Variants in MGMT observed in about 807,000 individuals in gnomAD.
MGMT encodes methylated-DNA--protein-cysteine methyltransferase.
MGMT carries 14 observed loss-of-function variants against 15.9 expected under a neutral mutation model. The ratio of observed to expected loss-of-function variants is 0.88; its 90% CI spans 0.58 to 1.37. MGMT has a LOEUF of 1.37. MGMT is among the 40% of genes most tolerant of loss of function. The probability of loss-of-function intolerance (pLI) is 0.00; values close to 1 mark genes in which losing one functional copy is unlikely to be tolerated. For synonymous variants in MGMT, 130 were observed against 118.2 expected (o/e 1.10, Z -0.65); for missense variants, 282 against 268.1 (o/e 1.05, Z -0.36).
chr10:129,725,335 C>T (rs1848420121), intron 3 of MGMT, among the ~76,000 whole-genome samples: 1 of 152,236 alleles, frequency 6.6e-6, no homozygotes, highest in Non-Finnish European at 1.5e-5. Flanking sequence ...CTCTGCTAGA[C>T]CAGGCATGTG....
intron 1 of MGMT, among the ~76,000 whole-genome samples, chr10:129,481,133 C>T (rs768284508): frequency 3.9e-5 from 6 of 152,208 alleles, no homozygotes; most frequent in Admixed American, 6.5e-5. Flanking sequence ...GAGGCATCCA[C>T]GGTTTTCCCC....
chr10:129,597,397 T>C (rs1846763657), intron 2 of MGMT, among the ~76,000 whole-genome samples: 1 of 152,152 alleles, frequency 6.6e-6, no homozygotes. Flanking sequence ...TTCCATTCAC[T>C]CACATTTTGG....
intron 1 of MGMT, among the ~76,000 whole-genome samples, chr10:129,516,291 A>G (rs58437864): frequency 0.16 from 23,755 of 152,192 alleles, 2,595 homozygotes; most frequent in African/African-American, 0.3. Context: ...AGAGGAGCAC[A>G]TTCATAATTG....
intron 2 of MGMT, among the ~76,000 whole-genome samples, chr10:129,660,472 C>T (rs1001317327): frequency 2.6e-5 from 4 of 152,044 alleles, no homozygotes; most frequent in Non-Finnish European, 5.9e-5. Context: ...GACAAAAAAC[C>T]CAAGAACCTA....
In MGMT at chr10:129,753,932, A is replaced by C. The variant is rs118019327; in HGVS notation, c.275-5270A>C. Among the ~76,000 whole-genome samples, 1,426 of 152,262 alleles carry C rather than the reference A, an allele frequency of 9.4e-3. 16 individuals carry two copies. The highest frequency in any genetic ancestry group is 0.016 in the Non-Finnish European group (1,062 of 68,018). On this transcript the variant is annotated intron_variant, in intron 3 of 4. Coordinates refer to ENST00000651593, the MANE Select transcript of MGMT (RefSeq NM_002412.5). ...CAGATAATGTTGATATTTTTGTTTT[A>C]GGAGGTAGTCAACCTGGTTGGATTT...
chr10:129,613,830 C>A (rs1277718028), intron 2 of MGMT, among the ~76,000 whole-genome samples: 2 of 152,190 alleles, frequency 1.3e-5, no homozygotes, highest in African/African-American at 4.8e-5. Context: ...TGAGGTCCCC[C>A]CTCCCACCTG....
intron 2 of MGMT, among the ~76,000 whole-genome samples, chr10:129,573,942 G>T (rs1846448778): frequency 6.6e-6 from 1 of 152,148 alleles, no homozygotes; most frequent in African/African-American, 2.4e-5. Flanking sequence ...CCAATTCTAA[G>T]ACATTTTAAA....
intron 2 of MGMT, among the ~76,000 whole-genome samples, chr10:129,578,759 TAAGC>T (rs1351331717): frequency 6.6e-6 from 1 of 152,208 alleles, no homozygotes; most frequent in African/African-American, 2.4e-5. Context: ...TTAGGATTAT[TAAGC>T]AACTAAAACA....
chr10:129,761,345 C>T (rs1440862616), intron 4 of MGMT, among the ~76,000 whole-genome samples: 1 of 152,192 alleles, frequency 6.6e-6, no homozygotes, highest in Non-Finnish European at 1.5e-5. Flanking sequence ...CAGCGGGCGC[C>T]GACTGCTCGC....
chr10:129,569,246 C>T (rs1376470495), intron 2 of MGMT, among the ~76,000 whole-genome samples: 3 of 151,994 alleles, frequency 2.0e-5, no homozygotes, highest in Non-Finnish European at 2.9e-5. Flanking sequence ...CCGGCTCCGG[C>T]GCACAGATGC....
chr10:129,583,154 G>A (rs1360646657), intron 2 of MGMT, among the ~76,000 whole-genome samples: 2 of 152,162 alleles, frequency 1.3e-5, no homozygotes, highest in African/African-American at 2.4e-5. Context: ...AATAAATGGT[G>A]TATCGGAAGC....
At chr10:129,501,608 T>A (rs1439746800) in intron 1 of MGMT, among the ~76,000 whole-genome samples, 1 of 152,258 alleles carries the variant, frequency 6.6e-6, no homozygotes, top group Non-Finnish European at 1.5e-5. Context: ...TCTTTGGTTT[T>A]CATGTTTCTG....
chr10:129,707,625 C>A (rs1848179831), intron 2 of MGMT, among the ~76,000 whole-genome samples: 2 of 152,162 alleles, frequency 1.3e-5, no homozygotes, highest in South Asian at 2.1e-4. Context: ...GTAAGTCTTA[C>A]AAAGGGACAC....
intron 3 of MGMT, among the ~76,000 whole-genome samples, chr10:129,746,493 T>C (rs1848697967): frequency 6.6e-6 from 1 of 152,150 alleles, no homozygotes; most frequent in Non-Finnish European, 1.5e-5. Flanking sequence ...TTTGTTTAAG[T>C]AAGTCATGAG....
At chr10:129,554,599 G>T (rs1278961277) in intron 2 of MGMT, among the ~76,000 whole-genome samples, 1 of 152,106 alleles carries the variant, frequency 6.6e-6, no homozygotes, top group Non-Finnish European at 1.5e-5. Flanking sequence ...AGTGCTTCCT[G>T]AGCAAGCTTG....
intron 4 of MGMT, among the ~76,000 whole-genome samples, chr10:129,765,057 CCTGTGGTCATG>C (rs1848917786): frequency 6.6e-6 from 1 of 152,090 alleles, no homozygotes; most frequent in Admixed American, 6.5e-5. Flanking sequence ...TGCCCTGGCT[CCTGTGGTCATG>C]CTCATTGGCA....
intron 2 of MGMT, among the ~76,000 whole-genome samples, chr10:129,576,707 A>G (rs1846487649): frequency 6.6e-6 from 1 of 152,220 alleles, no homozygotes; most frequent in Non-Finnish European, 1.5e-5. Flanking sequence ...AGGAGAAGGG[A>G]ATAAAGGGCA....
At chr10:129,634,282 T>C (rs1847241980) in intron 2 of MGMT, among the ~76,000 whole-genome samples, 1 of 152,222 alleles carries the variant, frequency 6.6e-6, no homozygotes, top group Non-Finnish European at 1.5e-5. Flanking sequence ...AGGCCCCTTA[T>C]CAATTTTTTG....
chr10:129,763,875 C>T (rs1263632069), intron 4 of MGMT, among the ~76,000 whole-genome samples: 1 of 152,226 alleles, frequency 6.6e-6, no homozygotes, highest in Non-Finnish European at 1.5e-5. Flanking sequence ...CTACACCTCA[C>T]TCTAGTAAAC....
Sources: gnomAD v4.1 joint callset for allele counts (sites outside exome capture counted in the v4.1 genomes callset) on GRCh38, gnomAD v4.1.1 for gene constraint, MANE v1.5 for transcripts, NCBI Gene and HGNC (gene_info 2026-07-23, HGNC 2026-07-21) for gene names.